DMD: variants seen among roughly 807,000 people sequenced by gnomAD.
The protein encoded by DMD is dystrophin, also known as mutant dystrophin.
Under a neutral mutation model 330.1 loss-of-function variants are expected in DMD, and 63 were observed. The ratio of observed to expected loss-of-function variants is 0.19; its 90% CI spans 0.16 to 0.24. The LOEUF (loss-of-function observed/expected upper bound fraction) is 0.24. DMD is among the 10% of genes least tolerant of loss of function. The probability of loss-of-function intolerance (pLI) is 1.00; values close to 1 mark genes in which losing one functional copy is unlikely to be tolerated. For synonymous variants in DMD, 1,223 were observed against 959.8 expected (o/e 1.27, Z -5.07); for missense variants, 3,344 against 2,684.1 (o/e 1.25, Z -5.43).
At chrX:31,892,716 T>C (rs1300018135) in intron 47 of DMD, among the ~76,000 whole-genome samples, 1 of 111,571 alleles carries the variant, frequency 9.0e-6, no homozygotes, top group Admixed American at 9.6e-5. Flanking sequence ...TCTAACATAG[T>C]GGCAAGTACT....
chrX:31,391,531 C>T (rs1883832254), intron 60 of DMD, among the ~76,000 whole-genome samples: 1 of 111,364 alleles, frequency 9.0e-6, no homozygotes, highest in South Asian at 3.8e-4. Flanking sequence ...GACAATATGC[C>T]GGGTGTTTGG....
chrX:31,509,245 T>A (rs1396486920), intron 55 of DMD, among the ~76,000 whole-genome samples: 1 of 111,876 alleles, frequency 8.9e-6, no homozygotes, highest in Non-Finnish European at 1.9e-5. Context: ...ATTTTATGTT[T>A]TTCTTTCTTT....
intron 45 of DMD, among the ~76,000 whole-genome samples, chrX:31,950,066 G>T (rs2095140923): frequency 9.1e-6 from 1 of 109,824 alleles, no homozygotes; most frequent in South Asian, 3.8e-4. Flanking sequence ...TCTTTTTCTA[G>T]TTTCTTATGG....
chrX:32,067,559 T>C (rs1417129088), intron 44 of DMD, among the ~76,000 whole-genome samples: 2 of 111,282 alleles, frequency 1.8e-5, no homozygotes, highest in South Asian at 3.7e-4. Flanking sequence ...TCTTCAATTC[T>C]ATAAGTACCT....
chrX:31,677,804 C>T (rs1240271620), intron 53 of DMD, among the ~76,000 whole-genome samples: 2 of 112,191 alleles, frequency 1.8e-5, no homozygotes, highest in Non-Finnish European at 3.8e-5. Flanking sequence ...AGCTCAGGTC[C>T]CTTCGATAAA....
chrX:32,844,417 AAAAAG>A (rs1281080010), intron 4 of DMD, among the ~76,000 whole-genome samples: 599 of 59,131 alleles, frequency 0.01, 6 homozygotes, highest in Non-Finnish European at 0.013. Context: ...AAAAAAAAAA[AAAAAG>A]AAAAGAAAAG....
Position 31,272,151 on chromosome X carries a change from C to T in DMD, c.9225-11135G>A, listed in dbSNP as rs758259503. On this transcript the variant is annotated intron_variant, in intron 62 of 78. Transcript: ENST00000357033. ...AGATAAAGTCGAGCTCTGCTTCACT[C>T]TCACACAGTTTTCTTTTAATAAGAT... Among the ~76,000 whole-genome samples, 130 of 111,697 alleles carry T rather than the reference C, an allele frequency of 1.2e-3. 1 individual carries two copies. In the Middle Eastern group the frequency reaches 0.018, roughly 16 times the overall value.
At position 32,292,405 on chromosome X, in the gene DMD, C is replaced by T. The variant is rs756732915; in HGVS notation, c.6118-4704G>A. ...AAGCTCCGCCTCCCGGGTTTACTTA[C>T]ACCATTCTCTTGCCTCAGCCTCCTC... On this transcript the variant is annotated intron_variant, in intron 42 of 78. Coordinates refer to ENST00000357033, the MANE Select transcript of DMD (RefSeq NM_004006.3). Among the ~76,000 whole-genome samples, 154 of 101,668 alleles carry T rather than the reference C, an allele frequency of 1.5e-3. 2 individuals carry two copies. Among genetic ancestry groups the T allele is most frequent in the African/African-American group, 5.2e-3 (144 of 27,502 alleles). 88.3% of individuals were successfully genotyped at this position (101,668 alleles called of 115,157 possible). A position where few individuals can be genotyped will look rare whatever the true frequency, so the allele number is the denominator to read the frequency against.
chrX:31,479,166 T>C, intron 57 of DMD, 63 bp from the exon 58 acceptor site: 1 of 1,165,547 alleles, frequency 8.6e-7, no homozygotes, highest in African/African-American at 1.8e-5. Flanking sequence ...AAATTAATCC[T>C]GGGTGCTCAG....
intron 2 of DMD, among the ~76,000 whole-genome samples, chrX:33,008,208 C>T (rs937390547): frequency 9.0e-5 from 10 of 111,315 alleles, no homozygotes; most frequent in African/African-American, 3.3e-4. Context: ...AATTAGGATA[C>T]AAATAAGCAA....
At chrX:31,319,730 T>G (rs1271120075) in intron 62 of DMD, among the ~76,000 whole-genome samples, 1 of 112,474 alleles carries the variant, frequency 8.9e-6, no homozygotes. Context: ...TATTATGACA[T>G]CTATACTGGA....
chrX:32,180,054 A>AT (rs1411290172), intron 44 of DMD, among the ~76,000 whole-genome samples: 1 of 111,954 alleles, frequency 8.9e-6, no homozygotes, highest in African/African-American at 3.2e-5. Flanking sequence ...ATAAAATGTG[A>AT]TTTTTAATGA....
In DMD at chrX:32,532,961, C is replaced by A. The variant is rs1370000476; in HGVS notation, c.2168+12198G>T. ...ATCTAATTTGGTAAATAAAATTTTA[C>A]TGGAACTCAGTCATGCTCATTCATT... On this transcript the variant is annotated intron_variant, in intron 17 of 78. Coordinates refer to ENST00000357033, the MANE Select transcript of DMD (RefSeq NM_004006.3). 2.6e-4 allele frequency among the ~76,000 whole-genome samples: 29 copies of A among 112,208 alleles called. No individual in the cohort carries two copies. The Admixed American group carries it at 2.7e-3, about 11-fold the overall frequency.
intron 60 of DMD, among the ~76,000 whole-genome samples, chrX:31,431,381 T>TGA (rs1222954416): frequency 2.7e-5 from 3 of 111,379 alleles, no homozygotes; most frequent in East Asian, 2.8e-4. Context: ...GAAATTATTA[T>TGA]TATGATGATG....
chrX:32,183,568 AT>A lies in DMD; in HGVS notation c.6438+33347del, dbSNP rs1487277428. Among the ~76,000 whole-genome samples the A allele has an allele frequency of 7.8e-4, 47 of 59,953 alleles. No homozygotes were observed. In the South Asian group the frequency reaches 0.036, roughly 46 times the overall value. 52.1% of individuals were successfully genotyped at this position (59,953 alleles called of 115,157 possible). On this transcript the variant is annotated intron_variant, in intron 44 of 78. Transcript: ENST00000357033. ...CAGCTACACAAATATATATATATAT[AT>A]AAATATATATATATATATATGTATG...
chrX:33,128,074 C>A (rs2095476046), intron 1 of DMD: 2 of 1,180,451 alleles, frequency 1.7e-6, no homozygotes, highest in Admixed American at 2.4e-5. Context: ...TTTAGGGAAG[C>A]CTGCTTCTGA....
intron 9 of DMD, among the ~76,000 whole-genome samples, chrX:32,657,692 G>C (rs147015908): frequency 8.9e-6 from 1 of 112,101 alleles, no homozygotes; most frequent in Non-Finnish European, 1.9e-5. Flanking sequence ...GAATTCATAT[G>C]AGTTGGTAAT....
chrX:32,304,506 C>T (rs749563346), intron 42 of DMD, among the ~76,000 whole-genome samples: 119 of 111,010 alleles, frequency 1.1e-3, no homozygotes, highest in African/African-American at 3.7e-3. Context: ...TACCGAAGCA[C>T]ATATAAATAT....
intron 7 of DMD, among the ~76,000 whole-genome samples, chrX:32,730,599 T>C (rs1315721089): frequency 1.8e-5 from 2 of 111,850 alleles, no homozygotes; most frequent in South Asian, 3.7e-4. Flanking sequence ...AAGCTTAAAG[T>C]AGTAAGAGAT....
Sources: gnomAD v4.1 joint callset for allele counts (sites outside exome capture counted in the v4.1 genomes callset) on GRCh38, gnomAD v4.1.1 for gene constraint, MANE v1.5 for transcripts, NCBI Gene and HGNC (gene_info 2026-07-23, HGNC 2026-07-21) for gene names.